The following PCED1B variants were observed in gnomAD, a reference collection of about 807,000 sequenced individuals.
PCED1B encodes PC-esterase domain containing 1B.
For synonymous variants in PCED1B, 251 were observed against 246.1 expected (o/e 1.02, Z -0.19); for missense variants, 573 against 573.9 (o/e 1.00, Z 0.02).
intron 2 of PCED1B, among the ~76,000 whole-genome samples, chr12:47,121,500 C>A (rs1939677859): frequency 6.6e-6 from 1 of 152,142 alleles, no homozygotes; most frequent in Non-Finnish European, 1.5e-5. Context: ...TTAAAGAAAT[C>A]TCCTTTGCCA....
rs184920665 is a variant in PCED1B at position 47,116,219 on chromosome 12, A to G, written c.-526+12024A>G. 2.4e-3 allele frequency among the ~76,000 whole-genome samples: 358 copies of G among 152,312 alleles called. 1 individual carries two copies. Among genetic ancestry groups the G allele is most frequent in the African/African-American group, 7.5e-3 (312 of 41,566 alleles). ...AATTCATATAAATATTTGCAGACAC[A>G]CCCTGAGTGTGATGAGCCTTGATTA... On this transcript the variant is annotated intron_variant, in intron 2 of 3. Coordinates refer to ENST00000546455, the MANE Select transcript of PCED1B (RefSeq NM_138371.3).
At position 47,216,503 on chromosome 12, in the gene PCED1B, A is replaced by G. The variant is rs1943264668; in HGVS notation, c.-244A>G. ...TGCCCCAGATGCCACCGGAAATGTC[A>G]TCTTCTCCCCAGACGCTGGCTTGCA... On this transcript the variant is annotated 5_prime_UTR_variant, in exon 3 of 4. Transcript: ENST00000546455. 6.6e-6 allele frequency: 1 copy of G among 152,236 alleles called. No homozygotes were observed. Among genetic ancestry groups the G allele is most frequent in the African/African-American group, 2.4e-5 (1 of 41,458 alleles). The allele number at this position is 152,236 out of a possible 1,614,324, so 9.4% of individuals were successfully genotyped here.
intron 2 of PCED1B, among the ~76,000 whole-genome samples, chr12:47,173,293 T>C (rs1041754489): frequency 6.6e-6 from 1 of 152,248 alleles, no homozygotes; most frequent in Admixed American, 6.5e-5. Context: ...CTCCCTCTAT[T>C]GCCAGACTGG....
intron 2 of PCED1B, among the ~76,000 whole-genome samples, chr12:47,112,770 T>C (rs1487511855): frequency 6.6e-6 from 1 of 152,192 alleles, no homozygotes; most frequent in Non-Finnish European, 1.5e-5. Context: ...TTTGGAAGAC[T>C]CTTCAATTCT....
rs572314156 is a variant in PCED1B at position 47,235,068 on chromosome 12, T to A, written c.5T>A (p.Ile2Asn). 5 of 1,524,794 alleles carry A rather than the reference T, an allele frequency of 3.3e-6. No homozygotes were observed. The African/African-American group carries it at 6.9e-5, about 21-fold the overall frequency. 94.5% of individuals were successfully genotyped at this position (1,524,794 alleles called of 1,614,324 possible). The change falls in exon 4 of 4, where the codon ATC (isoleucine) becomes AAC (asparagine). Residue 2 changes from isoleucine (I) to asparagine (N), a missense_variant. Physicochemically the swap from Ile to Asn is moderately radical, Grantham distance 149. Coordinates refer to ENST00000546455, the MANE Select transcript of PCED1B (RefSeq NM_138371.3). M[I>N]LLRASEVRQL... is the part of the protein sequence containing the mutation. ...AGGCTGTGCGCCCTGGGCGTCATGA[T>A]CCTTCTGCGGGCCTCCGAAGTGCGG...
intron 3 of PCED1B, among the ~76,000 whole-genome samples, chr12:47,233,612 C>T (rs1405336223): frequency 1.3e-5 from 2 of 152,130 alleles, no homozygotes; most frequent in African/African-American, 4.8e-5. Flanking sequence ...GGTGTCCATT[C>T]CCTGTCTTCG....
At chr12:47,111,812 C>T (rs1161612262) in intron 2 of PCED1B, among the ~76,000 whole-genome samples, 1 of 152,152 alleles carries the variant, frequency 6.6e-6, no homozygotes, top group Non-Finnish European at 1.5e-5. Context: ...TGAGGTACCT[C>T]GGTTTATTTA....
chr12:47,083,444 C>T (rs979205529), intron 1 of PCED1B, among the ~76,000 whole-genome samples: 2 of 152,030 alleles, frequency 1.3e-5, no homozygotes, highest in Non-Finnish European at 2.9e-5. Context: ...CTCTGGCGGG[C>T]AGCACTCTTA....
intron 2 of PCED1B, among the ~76,000 whole-genome samples, chr12:47,132,791 C>T (rs1277735715): frequency 1.3e-5 from 2 of 152,152 alleles, no homozygotes; most frequent in Non-Finnish European, 2.9e-5. Flanking sequence ...GTAATGTCCC[C>T]TAAATATCAG....
At chr12:47,198,049 C>G (rs1259177154) in intron 2 of PCED1B, among the ~76,000 whole-genome samples, 1 of 152,066 alleles carries the variant, frequency 6.6e-6, no homozygotes, top group Non-Finnish European at 1.5e-5. Context: ...TTCTATGAGG[C>G]CAGCATTAAT....
At chr12:47,091,666 T>C (rs925539392) in intron 1 of PCED1B, among the ~76,000 whole-genome samples, 1 of 152,176 alleles carries the variant, frequency 6.6e-6, no homozygotes, top group African/African-American at 2.4e-5. Context: ...AGAAGTTTTA[T>C]TGTTTCATCT....
chr12:47,134,776 G>C (rs1314893194), intron 2 of PCED1B, among the ~76,000 whole-genome samples: 11 of 152,332 alleles, frequency 7.2e-5, no homozygotes, highest in Admixed American at 5.9e-4. Flanking sequence ...GCTGAGGCAG[G>C]AGAATTGCTT....
chr12:47,124,474 T>C (rs964883031), intron 2 of PCED1B, among the ~76,000 whole-genome samples: 6 of 151,652 alleles, frequency 4.0e-5, no homozygotes, highest in African/African-American at 9.7e-5. Flanking sequence ...AAAGTTCCTA[T>C]AAACATTCAT....
At chr12:47,220,013 C>A (rs1463941983) in intron 3 of PCED1B, among the ~76,000 whole-genome samples, 1 of 143,118 alleles carries the variant, frequency 7.0e-6, no homozygotes, top group East Asian at 2.1e-4. Context: ...GTTGAAGCTG[C>A]AGTGAGCCGT....
At chr12:47,164,583 C>T (rs376753050) in intron 2 of PCED1B, among the ~76,000 whole-genome samples, 1 of 152,234 alleles carries the variant, frequency 6.6e-6, no homozygotes, top group East Asian at 1.9e-4. Flanking sequence ...TTTCACACTG[C>T]CAGTAGCTGT....
chr12:47,117,113 G>C (rs1939454717), intron 2 of PCED1B, among the ~76,000 whole-genome samples: 1 of 152,186 alleles, frequency 6.6e-6, no homozygotes, highest in Admixed American at 6.5e-5. Flanking sequence ...CTCCCAGAAT[G>C]CTGGGATTAC....
intron 2 of PCED1B, among the ~76,000 whole-genome samples, chr12:47,111,723 T>C (rs1194538194): frequency 2.0e-5 from 3 of 152,214 alleles, no homozygotes; most frequent in African/African-American, 4.8e-5. Context: ...CAGCATAATG[T>C]CTTCAAGGTA....
At chr12:47,085,485 C>T (rs1362881457) in intron 1 of PCED1B, among the ~76,000 whole-genome samples, 1 of 152,162 alleles carries the variant, frequency 6.6e-6, no homozygotes, top group African/African-American at 2.4e-5. Context: ...ATCACATGTT[C>T]ATTGCAGTAT....
intron 3 of PCED1B, among the ~76,000 whole-genome samples, chr12:47,217,720 G>A (rs1189709357): frequency 6.6e-6 from 1 of 151,934 alleles, no homozygotes; most frequent in East Asian, 1.9e-4. Context: ...GGGATTACAG[G>A]CACGCGACAC....
Sources: gnomAD v4.1 joint callset for allele counts (sites outside exome capture counted in the v4.1 genomes callset) on GRCh38, gnomAD v4.1.1 for gene constraint, MANE v1.5 for transcripts, NCBI Gene and HGNC (gene_info 2026-07-23, HGNC 2026-07-21) for gene names.